PLAC1: variants seen among roughly 807,000 people sequenced by gnomAD.
PLAC1 encodes the protein placenta associated 1, also known as placenta-specific protein 1.
For missense variants in PLAC1, 136 were observed against 163.2 expected, an observed-to-expected ratio of 0.83 and a Z score of 0.91; for synonymous variants, 68 against 62.1, an observed-to-expected ratio of 1.09 and a Z score of -0.44.
chrX:134,586,301 A>G (rs1200887827), intron 2 of PLAC1, among the ~76,000 whole-genome samples: 1 of 112,151 alleles, frequency 8.9e-6, no homozygotes, highest in Non-Finnish European at 1.9e-5. Flanking sequence ...ATATTTATTT[A>G]GTAAACAAGC....
chrX:134,671,405 T>C (rs981781916), intron 2 of PLAC1, among the ~76,000 whole-genome samples: 4 of 111,341 alleles, frequency 3.6e-5, no homozygotes, highest in Non-Finnish European at 7.5e-5. Flanking sequence ...TGCGACCAGT[T>C]GTATTAGTCC....
intron 2 of PLAC1, among the ~76,000 whole-genome samples, chrX:134,585,785 G>T (rs1304907234): frequency 1.8e-5 from 2 of 111,129 alleles, no homozygotes; most frequent in Non-Finnish European, 3.8e-5. Context: ...TTCAAGTTGA[G>T]CTGCCCCTGG....
chrX:134,697,469 GTTCA>G (rs771630468), intron 2 of PLAC1, among the ~76,000 whole-genome samples: 1 of 112,146 alleles, frequency 8.9e-6, no homozygotes, highest in South Asian at 3.7e-4. Flanking sequence ...TCATTCATTC[GTTCA>G]TTCATTCATT....
intron 1 of PLAC1, among the ~76,000 whole-genome samples, chrX:134,640,126 C>CA (rs2078301519): frequency 9.0e-6 from 1 of 111,608 alleles, no homozygotes; most frequent in African/African-American, 3.3e-5. Flanking sequence ...ATGGTAATTC[C>CA]ATGTTTAACT....
intron 2 of PLAC1, among the ~76,000 whole-genome samples, chrX:134,584,568 T>A (rs2124365965): frequency 9.1e-6 from 1 of 110,304 alleles, no homozygotes; most frequent in South Asian, 4.1e-4. Context: ...AAGATTATGC[T>A]TTTTCTGGGC....
chrX:134,686,912 T>C (rs985009699), intron 2 of PLAC1, among the ~76,000 whole-genome samples: 3 of 111,331 alleles, frequency 2.7e-5, no homozygotes, highest in African/African-American at 9.8e-5. Context: ...CGACACAGAA[T>C]TGGGTGGTAA....
At chrX:134,672,779 A>G (rs937461812) in intron 2 of PLAC1, among the ~76,000 whole-genome samples, 3 of 113,007 alleles carry the variant, frequency 2.7e-5, no homozygotes, top group Non-Finnish European at 5.6e-5. Flanking sequence ...CTGCACTAAC[A>G]ATGCCCTGTA....
chrX:134,671,635 CACTTTTAA>C (rs1256893517), intron 2 of PLAC1, among the ~76,000 whole-genome samples: 1 of 110,117 alleles, frequency 9.1e-6, no homozygotes, highest in Non-Finnish European at 1.9e-5. Context: ...AAGTGCCACA[CACTTTTAA>C]ACCATCAGAC....
At chrX:134,578,430 G>A (rs372926113) in intron 2 of PLAC1, among the ~76,000 whole-genome samples, 38 of 20,193 alleles carry the variant, frequency 1.9e-3, no homozygotes, top group East Asian at 0.011. Context: ...AAAAAAAAAA[G>A]AAAAGAAAAA....
At chrX:134,579,924 GCCA>G (rs2077965800) in intron 2 of PLAC1, among the ~76,000 whole-genome samples, 1 of 111,660 alleles carries the variant, frequency 9.0e-6, no homozygotes, top group South Asian at 3.8e-4. Flanking sequence ...CTCAGGCCAA[GCCA>G]CCAGTTCTAA....
At chrX:134,704,873 A>G (rs1285847258) in intron 2 of PLAC1, among the ~76,000 whole-genome samples, 1 of 101,501 alleles carries the variant, frequency 9.9e-6, no homozygotes, top group Admixed American at 1.1e-4. Context: ...TGTGTCTGTA[A>G]TCCCAGCTAC....
chrX:134,585,020 G>T (rs1347576401), intron 2 of PLAC1, among the ~76,000 whole-genome samples: 1 of 110,253 alleles, frequency 9.1e-6, no homozygotes, highest in Non-Finnish European at 1.9e-5. Flanking sequence ...CACCTTTCAT[G>T]ATGCCACTTA....
chrX:134,689,436 C>A (rs955700553), intron 2 of PLAC1, among the ~76,000 whole-genome samples: 1 of 111,728 alleles, frequency 9.0e-6, no homozygotes, highest in Non-Finnish European at 1.9e-5. Flanking sequence ...TGTTCATGCC[C>A]GTTTTCATCT....
chrX:134,643,110 T>C (rs2078315033), intron 1 of PLAC1, among the ~76,000 whole-genome samples: 1 of 112,200 alleles, frequency 8.9e-6, no homozygotes, highest in Non-Finnish European at 1.9e-5. Context: ...GGTACAGGTA[T>C]AAAATTATAA....
chrX:134,719,505 G>GTGTAATCCCAGCACTTTGGGAGGCC lies in PLAC1; in HGVS notation n.174+13905_174+13929dup, dbSNP rs1029730148. 3.6e-4 allele frequency among the ~76,000 whole-genome samples: 40 copies of GTGTAATCCCAGCACTTTGGGAGGCC among 111,859 alleles called. 1 individual carries two copies. In the East Asian group the frequency reaches 7.3e-3, roughly 20 times the overall value. On this transcript the variant is annotated intron_variant and non_coding_transcript_variant, in intron 2 of 2. Coordinates refer to the PLAC1 transcript ENST00000466797. Reference sequence around the variant, plus strand: ...AAAAGCACTCAGTAGGCCAGGCGAGGTGTAATCCCAGCACTTTGGGAGGCC... The same window carrying GTGTAATCCCAGCACTTTGGGAGGCC: ...AAAAGCACTCAGTAGGCCAGGCGAGGTGTAATCCCAGCACTTTGGGAGGCCTGTAATCCCAGCACTTTGGGAGGCC...
intron 1 of PLAC1, among the ~76,000 whole-genome samples, chrX:134,615,929 C>G (rs1433796447): frequency 9.1e-6 from 1 of 110,000 alleles, no homozygotes; most frequent in Non-Finnish European, 1.9e-5. Context: ...TTCTATTGGT[C>G]TATGTGTTTT....
intron 2 of PLAC1, among the ~76,000 whole-genome samples, chrX:134,574,871 A>G (rs937636675): frequency 9.0e-6 from 1 of 111,618 alleles, no homozygotes; most frequent in Non-Finnish European, 1.9e-5. Flanking sequence ...AGAGTCCCCA[A>G]GTTTACCCAG....
Position 134,569,912 on chromosome X carries a change from G to A in PLAC1, c.-58-3172C>T, listed in dbSNP as rs369602180. ...ACGACCTTGGCTCACTGCAACCTCC[G>A]CCTCCTGGGTTCAAGCGATTCTTCT... On this transcript the variant is annotated intron_variant, in intron 2 of 2. Coordinates refer to ENST00000359237, the MANE Select transcript of PLAC1 (RefSeq NM_021796.4). 9.5e-4 allele frequency among the ~76,000 whole-genome samples: 105 copies of A among 110,135 alleles called. No homozygotes were observed. In the South Asian group the frequency reaches 0.038, roughly 40 times the overall value.
intron 2 of PLAC1, among the ~76,000 whole-genome samples, chrX:134,569,774 GTGTGTGTGTGTGTT>G (rs1221392567): frequency 2.6e-3 from 275 of 105,099 alleles, no homozygotes; most frequent in African/African-American, 7.0e-3. Flanking sequence ...GTGTGTGTGT[GTGTGTGTGTGTGTT>G]TGTGTGTGTG....
Sources: gnomAD v4.1 joint callset for allele counts (sites outside exome capture counted in the v4.1 genomes callset) on GRCh38, gnomAD v4.1.1 for gene constraint, MANE v1.5 for transcripts, NCBI Gene and HGNC (gene_info 2026-07-23, HGNC 2026-07-21) for gene names.